The following DUS4L variants were observed in gnomAD, a reference collection of about 807,000 sequenced individuals.
The protein encoded by DUS4L is tRNA-dihydrouridine(20a/20b) synthase [NAD(P)+]-like.
A neutral mutation model predicts 33.8 loss-of-function variants in DUS4L; 31 were observed. That is an observed-to-expected ratio of 0.92 (90% CI 0.69 to 1.24). The LOEUF is 1.24. Ranked by LOEUF, DUS4L falls within the 50% of genes most tolerant of loss-of-function variation. DUS4L has a pLI of 0.00. For synonymous variants in DUS4L, 103 were observed against 120.3 expected, an observed-to-expected ratio of 0.86 and a Z score of 0.94; for missense variants, 368 against 388.6, an observed-to-expected ratio of 0.95 and a Z score of 0.45.
chr7:107,575,178 C>G lies in DUS4L; in HGVS notation c.357-10C>G. On this transcript the variant is annotated splice_polypyrimidine_tract_variant and intron_variant, in intron 5 of 7. Transcript: ENST00000265720. The stretch of plus-strand genomic sequence containing the variant: ...TATAATTCACTTGTTCATGTGTTTG[C>G]TTTACAAAGGTGGGCAATGGCAGAA... The G allele has an allele frequency of 6.2e-7, 1 of 1,606,300 alleles. No individual in the cohort carries two copies. Among genetic ancestry groups the G allele is most frequent in the Non-Finnish European group, 8.5e-7 (1 of 1,178,210 alleles).
chr7:107,574,980 A>C, intron 5 of DUS4L: 1 of 620,766 alleles, frequency 1.6e-6, no homozygotes, highest in Non-Finnish European at 2.7e-6. Flanking sequence ...AATGAAAACC[A>C]TTTCTCCTGA....
At position 107,564,106 on chromosome 7, in the gene DUS4L, G is replaced by C. The variant is rs1804299685; in HGVS notation, c.-214G>C. ...AGGGTCCGAGTGCTCTGCGCCCAGC[G>C]CACCGAGGGAGCCAAGGCCGTCGGG... On this transcript the variant is annotated 5_prime_UTR_variant, in exon 1 of 8. Coordinates refer to ENST00000265720, the MANE Select transcript of DUS4L (RefSeq NM_181581.3). The C allele has an allele frequency of 8.4e-7, 1 of 1,190,074 alleles. No homozygotes were observed. The highest frequency in any genetic ancestry group is 2.1e-5 in the Admixed American group (1 of 47,606). 73.7% of individuals were successfully genotyped at this position (1,190,074 alleles called of 1,614,324 possible).
At chr7:107,566,523 TTAAC>T (rs1439370325) in intron 2 of DUS4L, among the ~76,000 whole-genome samples, 2 of 152,194 alleles carry the variant, frequency 1.3e-5, no homozygotes, top group African/African-American at 4.8e-5. Flanking sequence ...TTAAAAATAA[TTAAC>T]GTTTGTTTAT....
rs770509634 is a variant in DUS4L, at chr7:107,577,278, A to C, written c.707-35A>C. 14 of 1,606,492 alleles carry C rather than the reference A, an allele frequency of 8.7e-6. No individual in the cohort carries two copies. In the South Asian group the frequency reaches 1.5e-4, roughly 18 times the overall value. ...TTGAACTAATAACCAGGGGTTCTTA[A>C]TGTATGGACAAATATGGTGTGCTTT... On this transcript the variant is annotated intron_variant, in intron 7 of 7. Transcript: ENST00000265720.
intron 7 of DUS4L, 99 bp from the exon 8 acceptor site, chr7:107,577,214 A>G (rs1805830823): frequency 1.3e-6 from 2 of 1,501,774 alleles, no homozygotes; most frequent in Non-Finnish European, 9.0e-7. Flanking sequence ...AAACCTTGTG[A>G]TAATACTTTT....
rs1433453464 is a variant in DUS4L at position 107,573,772 on chromosome 7, G to A, written c.307G>A (p.Val103Ile). Residue 103 changes from valine to isoleucine, a missense_variant, in exon 5 of 8, where the codon GTC becomes ATC. Coordinates refer to ENST00000265720, the MANE Select transcript of DUS4L (RefSeq NM_181581.3). ...ACTTTTATCTGATGCTGCTCGTATA[G>A]TCTGTCCTTATGCGAATGGAATAGA... ...ARLLSDAARI[V>I]CPYANGIDIN... 17 of 1,608,620 alleles carry A rather than the reference G, an allele frequency of 1.1e-5. No homozygotes were observed. Among genetic ancestry groups the A allele is most frequent in the Non-Finnish European group, 1.4e-5 (17 of 1,177,644 alleles).
In DUS4L at chr7:107,574,773, G is replaced by A. The variant is rs1165753718; in HGVS notation, c.357-415G>A. On this transcript the variant is annotated intron_variant, in intron 5 of 7. Coordinates refer to ENST00000265720, the MANE Select transcript of DUS4L (RefSeq NM_181581.3). ...AGACATATTTGTATACTCATTAGGA[G>A]GGTTAAATTAGCTGTTTAGTGGTAT... 3 of 271,208 alleles carry A rather than the reference G, an allele frequency of 1.1e-5. No individual in the cohort carries two copies. The East Asian group carries it at 4.4e-4, about 39-fold the overall frequency. The allele number at this position is 271,208 out of a possible 1,614,324, so 16.8% of individuals were successfully genotyped here.
chr7:107,567,866 G>C, intron 3 of DUS4L: 1 of 373,704 alleles, frequency 2.7e-6, no homozygotes, highest in Non-Finnish European at 5.2e-6. Flanking sequence ...ACTACTCTAG[G>C]TACCTCATAT....
rs77582163 is a variant in DUS4L, at chr7:107,577,620, T to C, written c.*60T>C. Reference sequence around the variant, plus strand: ...AGACCCACAGTGAAACCACAGAAGGTCATATTTTGTACCTTAAACCAGTAG... The same window carrying C: ...AGACCCACAGTGAAACCACAGAAGGCCATATTTTGTACCTTAAACCAGTAG... On this transcript the variant is annotated 3_prime_UTR_variant, in exon 8 of 8. Transcript: ENST00000265720. The C allele has an allele frequency of 4.5e-3, 6,847 of 1,532,884 alleles. 250 individuals carry two copies. The African/African-American group carries it at 0.082, about 18-fold the overall frequency. The allele number at this position is 1,532,884 out of a possible 1,614,324, so 95.0% of individuals were successfully genotyped here.
intron 3 of DUS4L, chr7:107,570,208 T>G (rs1805079731): frequency 1.3e-5 from 2 of 152,206 alleles, no homozygotes; most frequent in Non-Finnish European, 1.5e-5. Context: ...CACCTTCTGT[T>G]TTAACCGGCT....
chr7:107,576,246 A>G (rs533307263), intron 6 of DUS4L, 120 bp from the exon 7 acceptor site: 8 of 951,962 alleles, frequency 8.4e-6, no homozygotes, highest in Non-Finnish European at 1.2e-5. Context: ...AATGACATAG[A>G]GTAATAATAT....
Position 107,577,603 on chromosome 7 carries a change from A to C in DUS4L, c.*43A>C. The C allele has an allele frequency of 6.4e-7, 1 of 1,573,336 alleles. No individual in the cohort carries two copies. The highest frequency in any genetic ancestry group is 8.6e-7 in the Non-Finnish European group (1 of 1,158,066). On this transcript the variant is annotated 3_prime_UTR_variant, in exon 8 of 8. Transcript: ENST00000265720. ...TTTTAATATATACTTTTAGACCCAC[A>C]GTGAAACCACAGAAGGTCATATTTT...
rs147839028 is a variant in DUS4L at position 107,573,747 on chromosome 7, A to C, written c.282A>C (p.Arg94Ser). The C allele has an allele frequency of 1.5e-4, 236 of 1,611,500 alleles. 2 individuals carry two copies. The Admixed American group carries it at 1.6e-3, about 11-fold the overall frequency. ...TTCAGTTTGCTGCTAACGATGCAAG[A>C]CTTTTATCTGATGCTGCTCGTATAG... ...LIVQFAANDA[R>S]LLSDAARIVC... Residue 94 changes from arginine (R) to serine (S), a missense_variant, in exon 5 of 8, where the codon AGA becomes AGC. Arg to Ser is a moderately radical substitution (Grantham distance 110). Transcript: ENST00000265720.
At chr7:107,576,929 C>A (rs893313665) in intron 7 of DUS4L, 12 of 290,394 alleles carry the variant, frequency 4.1e-5, no homozygotes, top group African/African-American at 2.0e-4. Flanking sequence ...AATCCCAGAA[C>A]TGCTATGCAG....
intron 2 of DUS4L, among the ~76,000 whole-genome samples, chr7:107,565,494 T>C (rs1161306572): frequency 3.3e-5 from 5 of 152,186 alleles, no homozygotes; most frequent in East Asian, 1.9e-4. Flanking sequence ...CCTCGGGTCA[T>C]TGTAGTGTAC....
intron 5 of DUS4L, chr7:107,574,028 T>C: frequency 1.4e-6 from 1 of 716,832 alleles, no homozygotes; most frequent in Non-Finnish European, 1.9e-6. Flanking sequence ...AAATGATGTA[T>C]AGACCTTTGA....
rs139961594 is a variant in DUS4L, at chr7:107,577,895, C to T, written c.*335C>T. The stretch of plus-strand genomic sequence containing the variant: ...AATTTTTTCCTAATCATGTTTTTAA[C>T]ATTTTAAAATAAAATTTAATACTAA... On this transcript the variant is annotated 3_prime_UTR_variant, in exon 8 of 8. Coordinates refer to ENST00000265720, the MANE Select transcript of DUS4L (RefSeq NM_181581.3). 200 of 166,438 alleles carry T rather than the reference C, an allele frequency of 1.2e-3. No individual in the cohort carries two copies. Among genetic ancestry groups the T allele is most frequent in the Non-Finnish European group, 1.6e-3 (125 of 76,820 alleles). 10.3% of individuals were successfully genotyped at this position (166,438 alleles called of 1,614,324 possible). A position where few individuals can be genotyped will look rare whatever the true frequency, so the allele number is the denominator to read the frequency against.
rs978432329 is a variant in DUS4L, at chr7:107,577,719, A to G, written c.*159A>G. The G allele has an allele frequency of 8.6e-6, 6 of 693,720 alleles. No individual in the cohort carries two copies. Among genetic ancestry groups the G allele is most frequent in the Non-Finnish European group, 1.1e-5 (5 of 435,676 alleles). The allele number at this position is 693,720 out of a possible 1,614,324, so 43.0% of individuals were successfully genotyped here. A position where few individuals can be genotyped will look rare whatever the true frequency, so the allele number is the denominator to read the frequency against. On this transcript the variant is annotated 3_prime_UTR_variant, in exon 8 of 8. Transcript: ENST00000265720. The stretch of plus-strand genomic sequence containing the variant: ...TCAGTTGTAGACACCACCCTCAGAG[A>G]TTCTGATTAGGTAGATCTGGAGTAG...
intron 7 of DUS4L, 52 bp downstream of exon 7, chr7:107,576,644 T>A: frequency 1.4e-6 from 2 of 1,414,360 alleles, no homozygotes; most frequent in Non-Finnish European, 1.9e-6. Context: ...GAAATGAGAG[T>A]GGGGAAGTAA....
Sources: allele counts gnomAD v4.1 joint callset (sites outside exome capture counted in the v4.1 genomes callset), GRCh38; gene constraint gnomAD v4.1.1; transcripts MANE v1.5; gene names NCBI Gene and HGNC (gene_info 2026-07-23, HGNC 2026-07-21).